Variants in CFAP61 observed in about 807,000 individuals in gnomAD.
The protein encoded by CFAP61 is cilia and flagella associated protein 61.
Under a neutral mutation model 135.6 loss-of-function variants are expected in CFAP61, and 107 were observed. That is an observed-to-expected ratio of 0.79 (90% CI 0.67 to 0.93). The LOEUF (loss-of-function observed/expected upper bound fraction) is 0.93. Ranked by LOEUF, CFAP61 falls within the 40% of genes least tolerant of loss-of-function variation. CFAP61 has a pLI of 0.00. For synonymous variants in CFAP61, 575 were observed against 578.5 expected (o/e 0.99, Z 0.09); for missense variants, 1,507 against 1,556.2 (o/e 0.97, Z 0.53).
chr20:20,171,320 T>C (rs6046687), intron 13 of CFAP61, among the ~76,000 whole-genome samples: 137,042 of 152,176 alleles, frequency 0.9, 62,532 homozygotes, highest in Middle Eastern at 0.99. Context: ...CAGCTTTTTC[T>C]CCATGAAGTT....
At position 20,052,599 on chromosome 20, in the gene CFAP61, A is replaced by T; in HGVS notation, c.-37+8A>T. 2 of 1,613,776 alleles carry T rather than the reference A, an allele frequency of 1.2e-6. No homozygotes were observed. Among genetic ancestry groups the T allele is most frequent in the Non-Finnish European group, 1.7e-6 (2 of 1,179,866 alleles). On this transcript the variant is annotated splice_region_variant and intron_variant, in intron 1 of 26. Transcript: ENST00000245957. ...CCTGGAGCTGCGGATGAGGTGGGTA[A>T]CGCCGTGCTGACTAGCAGCGACGCA...
In CFAP61 at chr20:20,277,302, C is replaced by T. The variant is rs147649386; in HGVS notation, c.2640C>T (p.Tyr880=). ...CCACCATCACCTGCATCAACAACTACTCGGTGGAGAGCGCCGTGGCGGACG... is the reference window on the plus strand; with the variant it reads ...CCACCATCACCTGCATCAACAACTATTCGGTGGAGAGCGCCGTGGCGGACG... ...PASTITCINN[Y]SVESAVADAL... The change falls in exon 22 of 27, where the codon TAC becomes TAT. Residue 880 remains tyrosine (Y), a synonymous_variant. Transcript: ENST00000245957. The T allele has an allele frequency of 2.2e-4, 352 of 1,614,214 alleles. 1 individual carries two copies. The highest frequency in any genetic ancestry group is 6.6e-4 in the Middle Eastern group (4 of 6,062).
chr20:20,320,705 A>T (rs965539516), intron 25 of CFAP61, among the ~76,000 whole-genome samples: 6 of 149,128 alleles, frequency 4.0e-5, no homozygotes, highest in African/African-American at 1.5e-4. Flanking sequence ...GGATGATGGG[A>T]GCTCATTATA....
chr20:20,199,957 C>A (rs2056525252), intron 17 of CFAP61, 55 bp downstream of exon 17: 4 of 1,592,696 alleles, frequency 2.5e-6, no homozygotes, highest in African/African-American at 1.3e-5. Flanking sequence ...GCGGGCCTGG[C>A]AGATGGGGTG....
intron 9 of CFAP61, among the ~76,000 whole-genome samples, chr20:20,152,627 C>T (rs6081897): frequency 0.18 from 27,019 of 152,040 alleles, 2,554 homozygotes; most frequent in East Asian, 0.2. Flanking sequence ...AAAAGTGGGA[C>T]ATTATAAAAT....
chr20:20,177,465 A>G (rs928149348), intron 13 of CFAP61, among the ~76,000 whole-genome samples: 1 of 151,626 alleles, frequency 6.6e-6, no homozygotes, highest in Non-Finnish European at 1.5e-5. Flanking sequence ...CCTGAAATTG[A>G]CGTCGATCAC....
In CFAP61 at chr20:20,197,517, G is replaced by A. The variant is rs1043936624; in HGVS notation, c.1797+741G>A. On this transcript the variant is annotated intron_variant, in intron 16 of 26. Coordinates refer to ENST00000245957, the MANE Select transcript of CFAP61 (RefSeq NM_015585.4). ...TTCAAAGCTGTATCCCCATTGCCTA[G>A]AAGAGTCACAAACACACACACACAC... 3.3e-5 allele frequency among the ~76,000 whole-genome samples: 5 copies of A among 151,904 alleles called. 1 individual carries two copies. The South Asian group carries it at 1.0e-3, about 32-fold the overall frequency.
At chr20:20,061,291 A>G (rs995744183) in intron 2 of CFAP61, among the ~76,000 whole-genome samples, 1 of 152,240 alleles carries the variant, frequency 6.6e-6, no homozygotes, top group African/African-American at 2.4e-5. Context: ...ATGTATTAAA[A>G]TTACAGAATA....
intron 2 of CFAP61, among the ~76,000 whole-genome samples, chr20:20,062,220 C>CTT (rs1469197833): frequency 6.6e-6 from 1 of 152,148 alleles, no homozygotes; most frequent in African/African-American, 2.4e-5. Context: ...AGGCACAAGA[C>CTT]ACATGAGGGA....
At chr20:20,231,202 T>G (rs912661338) in intron 18 of CFAP61, among the ~76,000 whole-genome samples, 3 of 152,150 alleles carry the variant, frequency 2.0e-5, no homozygotes, top group African/African-American at 7.2e-5. Context: ...AATACTGTGG[T>G]GGTGTTCTGA....
rs1023010598 is a variant in CFAP61, at chr20:20,074,380, T to C, written c.371+2T>C. The C allele has an allele frequency of 3.1e-6, 5 of 1,612,832 alleles. No homozygotes were observed. The highest frequency in any genetic ancestry group is 1.3e-5 in the African/African-American group (1 of 74,870). On this transcript the variant is annotated splice_donor_variant, in intron 4 of 26. Coordinates refer to ENST00000245957, the MANE Select transcript of CFAP61 (RefSeq NM_015585.4). LOFTEE classifies it high-confidence loss of function. The stretch of plus-strand genomic sequence containing the variant: ...TGGCTGTTGCAAAGAGATTCTTCGG[T>C]GAGTGGATATGGCCGTGCAGTGGTG...
chr20:20,066,185 T>C (rs2045252104), intron 2 of CFAP61, among the ~76,000 whole-genome samples: 1 of 152,160 alleles, frequency 6.6e-6, no homozygotes, highest in Non-Finnish European at 1.5e-5. Context: ...CAACAGATGC[T>C]GGAGAGGATG....
intron 18 of CFAP61, among the ~76,000 whole-genome samples, chr20:20,244,150 C>T (rs1157288673): frequency 6.6e-6 from 1 of 152,120 alleles, no homozygotes; most frequent in Non-Finnish European, 1.5e-5. Flanking sequence ...CTTTTCCAGA[C>T]ATACAGTGCA....
chr20:20,118,814 T>C (rs1185154809), intron 8 of CFAP61, among the ~76,000 whole-genome samples: 3 of 152,174 alleles, frequency 2.0e-5, no homozygotes, highest in African/African-American at 7.2e-5. Context: ...GAACCATCCT[T>C]GCATCCCTGA....
chr20:20,296,007 TTCCCTC>T (rs2055414072), intron 24 of CFAP61, among the ~76,000 whole-genome samples: 1 of 87,942 alleles, frequency 1.1e-5, no homozygotes, highest in Non-Finnish European at 2.5e-5. Context: ...CCTTCCTTCC[TTCCCTC>T]CTTTCCTTCC....
At chr20:20,320,260 TTAA>T (rs1166820003) in intron 25 of CFAP61, among the ~76,000 whole-genome samples, 2 of 141,216 alleles carry the variant, frequency 1.4e-5, no homozygotes, top group African/African-American at 2.7e-5. Flanking sequence ...ACCTGGAGAG[TTAA>T]TGATGATAAG....
chr20:20,208,189 G>A lies in CFAP61; in HGVS notation c.1932+8287G>A, dbSNP rs370331195. On this transcript the variant is annotated intron_variant, in intron 17 of 26. Transcript: ENST00000245957. ...TGAGCGTTAAGCCAGTAGGACTTGTGTGAAGTCATAAAGCCACTTGAGTTC... is the reference window on the plus strand; with the variant it reads ...TGAGCGTTAAGCCAGTAGGACTTGTATGAAGTCATAAAGCCACTTGAGTTC... Among the ~76,000 whole-genome samples, 32 of 152,184 alleles carry A rather than the reference G, an allele frequency of 2.1e-4. 1 individual carries two copies. The highest frequency in any genetic ancestry group is 1.7e-3 in the East Asian group (9 of 5,188).
At chr20:20,153,034 C>G (rs1322884735) in intron 9 of CFAP61, among the ~76,000 whole-genome samples, 1 of 152,024 alleles carries the variant, frequency 6.6e-6, no homozygotes, top group Non-Finnish European at 1.5e-5. Flanking sequence ...TCTCAGACCA[C>G]AGTAGAATAA....
Position 20,214,887 on chromosome 20 carries a change from A to G in CFAP61, c.1933-13362A>G, listed in dbSNP as rs544341680. 9.3e-4 allele frequency among the ~76,000 whole-genome samples: 142 copies of G among 152,354 alleles called. 2 individuals are homozygous for G. The highest frequency in any genetic ancestry group is 3.4e-4 in the Non-Finnish European group (23 of 68,034). On this transcript the variant is annotated intron_variant, in intron 17 of 26. Coordinates refer to ENST00000245957, the MANE Select transcript of CFAP61 (RefSeq NM_015585.4). The stretch of plus-strand genomic sequence containing the variant: ...TTCCTGTTTAGGGCGCAGGGCAGGC[A>G]GAAGGAGAGTGGAGAGAGAGAAGCA...
Sources: gnomAD v4.1 joint callset for allele counts (sites outside exome capture counted in the v4.1 genomes callset) on GRCh38, gnomAD v4.1.1 for gene constraint, MANE v1.5 for transcripts, NCBI Gene and HGNC (gene_info 2026-07-23, HGNC 2026-07-21) for gene names.